Variants in SLX4 observed in about 807,000 individuals in gnomAD.
SLX4 encodes the protein structure-specific endonuclease subunit SLX4.
SLX4 carries 112 observed loss-of-function variants against 146.2 expected under a neutral mutation model. The ratio of observed to expected loss-of-function variants is 0.77; its 90% CI spans 0.66 to 0.90. SLX4 has a LOEUF of 0.90. Among genes scored for constraint, SLX4 ranks in the 40% least tolerant of loss-of-function variants. The pLI, the probability that SLX4 is intolerant of heterozygous loss-of-function variation, is 0.00. For missense variants in SLX4, 2,563 were observed against 2,392.7 expected (o/e 1.07, Z -1.49); for synonymous variants, 1,061 against 997.7 (o/e 1.06, Z -1.20).
At position 3,590,218 on chromosome 16, in the gene SLX4, T is replaced by C. The variant is rs201446870; in HGVS notation, c.3420A>G (p.Lys1140=). The change falls in exon 12 of 15, where the codon AAA becomes AAG. Residue 1140 remains lysine (K), a synonymous_variant. Transcript: ENST00000294008. The surrounding 1 kb of genome is among the most constrained non-coding windows in gnomAD (Gnocchi z 4.8). ...CTTCTTCGTTCAGTTTGGATGAAGA[T>C]TTCTGAGATCTGGAGCTCGAATGGT... is the stretch of plus-strand genomic sequence containing the variant. The part of the protein sequence containing the change: ...NPDHSSSRSQ[K]SSSKLNEEDE... 6 of 1,614,080 alleles carry C rather than the reference T, an allele frequency of 3.7e-6. No individual in the cohort carries two copies. The highest frequency in any genetic ancestry group is 1.3e-5 in the African/African-American group (1 of 74,922).
At chr16:3,602,762 C>T (rs2040741894) in intron 3 of SLX4, among the ~76,000 whole-genome samples, 2 of 152,208 alleles carry the variant, frequency 1.3e-5, no homozygotes, top group Non-Finnish European at 2.9e-5. Flanking sequence ...AAAACTCACC[C>T]TTTCCTGCTG....
chr16:3,600,937 C>G (rs201251863), intron 5 of SLX4, 42 bp downstream of exon 5: 7 of 1,605,348 alleles, frequency 4.4e-6, no homozygotes, highest in East Asian at 4.5e-5. Flanking sequence ...TGAGTGCACA[C>G]AGCATTATTT....
At chr16:3,593,164 C>T (rs111979605) in intron 10 of SLX4, among the ~76,000 whole-genome samples, 1 of 151,096 alleles carries the variant, frequency 6.6e-6, no homozygotes, top group Non-Finnish European at 1.5e-5. Context: ...TCCACCTCCT[C>T]GGTTCCAGCG....
chr16:3,611,159 T>C (rs1463308448), intron 1 of SLX4, among the ~76,000 whole-genome samples: 2 of 152,178 alleles, frequency 1.3e-5, no homozygotes, highest in African/African-American at 4.8e-5. Context: ...AGGCGAGGGA[T>C]GAATGAATGG....
Position 3,590,448 on chromosome 16 carries a change from C to T in SLX4, c.3190G>A (p.Gly1064Arg), listed in dbSNP as rs142079276. Reference sequence around the variant, plus strand: ...GTTGGGGAGCCCACCTGGGAAGTTCCGCCACGGGACCGGGGTGTTGACAGG... The same window carrying T: ...GTTGGGGAGCCCACCTGGGAAGTTCTGCCACGGGACCGGGGTGTTGACAGG... ...SSLSTPRSRG[G>R]TSQVGSPTLL... The change falls in exon 12 of 15, where the codon GGA becomes AGA. Residue 1064 changes from glycine (G) to arginine (R), a missense_variant. Coordinates refer to ENST00000294008, the MANE Select transcript of SLX4 (RefSeq NM_032444.4). The surrounding 1 kb of genome is among the most constrained non-coding windows in gnomAD (Gnocchi z 4.8). 93 of 1,614,030 alleles carry T rather than the reference C, an allele frequency of 5.8e-5. No homozygotes were observed. The highest frequency in any genetic ancestry group is 1.0e-4 in the Admixed American group (6 of 60,012).
At chr16:3,605,271 C>A (rs916121217) in intron 3 of SLX4, among the ~76,000 whole-genome samples, 5 of 151,952 alleles carry the variant, frequency 3.3e-5, no homozygotes, top group Non-Finnish European at 7.4e-5. Context: ...TTGTATTTTT[C>A]ATAGAGATGG....
In SLX4 at chr16:3,583,223, G is replaced by T; in HGVS notation, c.5027C>A (p.Thr1676Lys). 1 of 1,614,196 alleles carries T rather than the reference G, an allele frequency of 6.2e-7. No homozygotes were observed. The change falls in exon 14 of 15, where the codon ACA becomes AAA. Residue 1676 changes from threonine to lysine, a missense_variant. Transcript: ENST00000294008. Reference sequence around the variant, plus strand: ...CTTGGTGGGCGACCTGCTTGGGGGTGTGATGCTTTCATGATGCTTCCTTTG... The same window carrying T: ...CTTGGTGGGCGACCTGCTTGGGGGTTTGATGCTTTCATGATGCTTCCTTTG... ...RHQRKHHESI[T>K]PPSRSPTKEA...
chr16:3,598,548 C>T (rs574945755), intron 5 of SLX4, among the ~76,000 whole-genome samples: 5 of 152,280 alleles, frequency 3.3e-5, no homozygotes, highest in Admixed American at 1.3e-4. Context: ...GGCAGCAGCT[C>T]GTTTGGTTTG....
At position 3,597,477 on chromosome 16, in the gene SLX4, A is replaced by G. The variant is rs751308254; in HGVS notation, c.1585T>C (p.Phe529Leu). 1.9e-6 allele frequency: 3 copies of G among 1,613,984 alleles called. No homozygotes were observed. In the Admixed American group the frequency reaches 5.0e-5, roughly 27 times the overall value. Residue 529 changes from phenylalanine to leucine, a missense_variant, in exon 7 of 15, where the codon TTT becomes CTT. By Grantham distance (22) the Phe-to-Leu change is conservative (BLOSUM62 0). Coordinates refer to ENST00000294008, the MANE Select transcript of SLX4 (RefSeq NM_032444.4). The surrounding 1 kb of genome is among the most constrained non-coding windows in gnomAD (Gnocchi z 4.4). ...CPPPPERKQS[F>L]LWEGSALTGA... ...GTCAGTGCGCTGCCCTCCCACAGAA[A>G]GCTCTGCTTGCGTTCAGGTGGAGGA...
rs778268816 is a variant in SLX4, at chr16:3,600,785, G to A, written c.1163+194C>T. ...TAATTTTTGTATTTTTAGTAGAGACGAGATTGTACCATGTCGGCCAGGCTG... is the reference window on the plus strand; with the variant it reads ...TAATTTTTGTATTTTTAGTAGAGACAAGATTGTACCATGTCGGCCAGGCTG... On this transcript the variant is annotated intron_variant, in intron 5 of 14. Transcript: ENST00000294008. The A allele has an allele frequency of 6.7e-5, 39 of 581,858 alleles. No homozygotes were observed. The highest frequency in any genetic ancestry group is 1.8e-4 in the Admixed American group (6 of 34,014). The allele number at this position is 581,858 out of a possible 1,614,324, so 36.0% of individuals were successfully genotyped here. A position where few individuals can be genotyped will look rare whatever the true frequency, so the allele number is the denominator to read the frequency against.
At chr16:3,595,854 T>C (rs2040646509) in intron 8 of SLX4, among the ~76,000 whole-genome samples, 161 bp from the exon 9 acceptor site, 1 of 152,012 alleles carries the variant, frequency 6.6e-6, no homozygotes, top group South Asian at 2.1e-4. Flanking sequence ...ACACCCTGTC[T>C]CACCACCACT....
chr16:3,607,431 ATG>A (rs1356812612), intron 2 of SLX4, among the ~76,000 whole-genome samples: 1 of 152,218 alleles, frequency 6.6e-6, no homozygotes, highest in African/African-American at 2.4e-5. Context: ...TGTATTATAT[ATG>A]CAAGGGTAGT....
chr16:3,606,119 G>C (rs1452742065), intron 3 of SLX4, among the ~76,000 whole-genome samples: 1 of 151,524 alleles, frequency 6.6e-6, no homozygotes, highest in African/African-American at 2.4e-5. Context: ...AATTGGCCAG[G>C]TGTGGTGGCA....
intron 1 of SLX4, among the ~76,000 whole-genome samples, 157 bp from the exon 2 acceptor site, chr16:3,609,723 C>T (rs1359009344): frequency 6.6e-6 from 1 of 152,234 alleles, no homozygotes; most frequent in East Asian, 1.9e-4. Context: ...GTCTAACCGT[C>T]CTATCAGACA....
chr16:3,589,987 C>G lies in SLX4; in HGVS notation c.3651G>C (p.Glu1217Asp). 1.2e-6 allele frequency: 2 copies of G among 1,614,062 alleles called. No individual in the cohort carries two copies. The highest frequency in any genetic ancestry group is 1.7e-6 in the Non-Finnish European group (2 of 1,180,020). The change falls in exon 12 of 15, where the codon GAG (glutamate) becomes GAC (aspartate). Residue 1217 changes from glutamate (E) to aspartate (D), a missense_variant. Coordinates refer to ENST00000294008, the MANE Select transcript of SLX4 (RefSeq NM_032444.4). The surrounding 1 kb of genome is among the most constrained non-coding windows in gnomAD (Gnocchi z 6.2). ...PPRSEAVLQQ[E>D]DEGALPENRG... is the part of the protein sequence containing the mutation. ...GATTCTCCGGCAGCGCCCCCTCATC[C>G]TCCTGCTGCAGCACAGCTTCGCTTC...
At chr16:3,609,901 C>T (rs2040831742) in intron 1 of SLX4, among the ~76,000 whole-genome samples, 2 of 152,230 alleles carry the variant, frequency 1.3e-5, no homozygotes, top group Admixed American at 1.3e-4. Context: ...AAAACTATCT[C>T]CTACACTGAT....
At chr16:3,600,371 T>C (rs2151133386) in intron 5 of SLX4, among the ~76,000 whole-genome samples, 1 of 152,172 alleles carries the variant, frequency 6.6e-6, no homozygotes, top group South Asian at 2.1e-4. Context: ...CACTAGAGGG[T>C]ACCGACTGTG....
chr16:3,608,503 C>T lies in SLX4; in HGVS notation c.462G>A (p.Arg154=), dbSNP rs1264406903. ...LASAPDPPVL[R]ETAQNTQTGN... is the part of the protein sequence containing the mutation. Reference sequence around the variant, plus strand: ...CCGTCTGGGTGTTTTGTGCTGTTTCCCGGAGCACAGGTGGATCTGGAGCAG... The same window carrying T: ...CCGTCTGGGTGTTTTGTGCTGTTTCTCGGAGCACAGGTGGATCTGGAGCAG... The change falls in exon 2 of 15, where the codon CGG becomes CGA. Residue 154 remains arginine (R), a synonymous_variant. Transcript: ENST00000294008. The T allele has an allele frequency of 6.2e-7, 1 of 1,614,054 alleles. No homozygotes were observed. Among genetic ancestry groups the T allele is most frequent in the Non-Finnish European group, 8.5e-7 (1 of 1,180,054 alleles).
intron 5 of SLX4, chr16:3,600,745 C>A: frequency 2.1e-6 from 1 of 468,490 alleles, no homozygotes; most frequent in Non-Finnish European, 3.9e-6. Flanking sequence ...GGACTACAGG[C>A]ATGTGCCACC....
Sources: allele counts gnomAD v4.1 joint callset (sites outside exome capture counted in the v4.1 genomes callset), GRCh38; gene constraint gnomAD v4.1.1; non-coding constraint Gnocchi (gnomAD v3.1); transcripts MANE v1.5; gene names NCBI Gene and HGNC (gene_info 2026-07-23, HGNC 2026-07-21).